The following SRGAP2B variants were observed in gnomAD, a reference collection of about 807,000 sequenced individuals.
SRGAP2B encodes the protein SLIT-ROBO Rho GTPase activating protein 2B, also known as SLIT-ROBO Rho GTPase-activating protein 2B.
A neutral mutation model predicts 22.2 loss-of-function variants in SRGAP2B; 9 were observed. That is an observed-to-expected ratio of 0.41 (90% CI 0.24 to 0.71). SRGAP2B has a LOEUF of 0.71. SRGAP2B is among the 30% of genes least tolerant of loss of function. The pLI is 0.35. For missense variants in SRGAP2B, 114 were observed against 235.8 expected, an observed-to-expected ratio of 0.48 and a Z score of 3.38; for synonymous variants, 36 against 87.4, an observed-to-expected ratio of 0.41 and a Z score of 3.28.
chr1:145,011,936 G>A lies in SRGAP2B; in HGVS notation c.68-16736C>T, dbSNP rs1672084163. ...TACTCACTGGCCCCCAGCTACACTG[G>A]CCTCTCTGGTCATAGAACATGGCAA... On this transcript the variant is annotated intron_variant, in intron 2 of 9. Transcript: ENST00000612199. 1.3e-5 allele frequency among the ~76,000 whole-genome samples: 2 copies of A among 150,658 alleles called. 1 individual carries two copies.
At chr1:144,973,917 T>C (rs1173863249) in intron 3 of SRGAP2B, among the ~76,000 whole-genome samples, 2 of 144,298 alleles carry the variant, frequency 1.4e-5, no homozygotes, top group Non-Finnish European at 3.0e-5. Context: ...ATAAAGTCAA[T>C]AGAAGAATAT....
intron 2 of SRGAP2B, among the ~76,000 whole-genome samples, chr1:145,022,414 T>C (rs1282242121): frequency 9.2e-6 from 1 of 108,912 alleles, no homozygotes; most frequent in African/African-American, 4.0e-5. Context: ...ATTTCTCACA[T>C]CTAAGGCTCT....
intron 5 of SRGAP2B, among the ~76,000 whole-genome samples, chr1:144,914,260 T>A (rs1553603403): frequency 1.3e-5 from 2 of 151,748 alleles, no homozygotes; most frequent in East Asian, 3.8e-4. Flanking sequence ...TTTGTTCTAG[T>A]CTCAAAGCCA....
intron 5 of SRGAP2B, among the ~76,000 whole-genome samples, chr1:144,910,542 G>A (rs1241396145): frequency 6.7e-6 from 1 of 149,648 alleles, no homozygotes; most frequent in African/African-American, 2.5e-5. Context: ...AATTTAGGGG[G>A]AGTACAGAAG....
intron 3 of SRGAP2B, among the ~76,000 whole-genome samples, chr1:144,992,154 A>G (rs1670296419): frequency 1.3e-5 from 2 of 150,544 alleles, no homozygotes; most frequent in South Asian, 4.2e-4. Context: ...GAAGGTCTGC[A>G]GCTTCACTCC....
chr1:145,020,597 C>T (rs1461287775), intron 2 of SRGAP2B, among the ~76,000 whole-genome samples: 8 of 146,714 alleles, frequency 5.5e-5, no homozygotes, highest in African/African-American at 8.0e-5. Context: ...CTCCCTCTTC[C>T]CCAACTGAAA....
intron 3 of SRGAP2B, among the ~76,000 whole-genome samples, chr1:144,965,526 C>T (rs1553612074): frequency 6.9e-6 from 1 of 145,404 alleles, no homozygotes; most frequent in Non-Finnish European, 1.5e-5. Context: ...TAGAGAAAAC[C>T]TCAAAGATGG....
chr1:144,918,267 C>T (rs1664012872), intron 4 of SRGAP2B: 1 of 146,766 alleles, frequency 6.8e-6, no homozygotes, highest in Non-Finnish European at 1.5e-5. Context: ...GCATAGTAAT[C>T]TTTGCCTGGA....
At chr1:145,023,143 G>A (rs1553624408) in intron 2 of SRGAP2B, among the ~76,000 whole-genome samples, 1 of 144,790 alleles carries the variant, frequency 6.9e-6, no homozygotes, top group Non-Finnish European at 1.5e-5. Context: ...CTCCAGCCTG[G>A]TGACAGAGTG....
chr1:144,956,439 C>CTTTTTTTT (rs3069132), intron 3 of SRGAP2B, among the ~76,000 whole-genome samples: 1 of 95,380 alleles, frequency 1.0e-5, no homozygotes, highest in Non-Finnish European at 2.1e-5. Flanking sequence ...TGCTCATTCC[C>CTTTTTTTT]TTTTTTTTTT....
chr1:145,009,566 C>T (rs781797962), intron 2 of SRGAP2B, among the ~76,000 whole-genome samples: 12 of 143,386 alleles, frequency 8.4e-5, no homozygotes, highest in Non-Finnish European at 1.5e-4. Flanking sequence ...CCAGCCTGGG[C>T]GACAGAGCGA....
At chr1:144,918,490 T>TATACAACTG (rs1664033203) in intron 4 of SRGAP2B, 2 of 142,548 alleles carry the variant, frequency 1.4e-5, no homozygotes, top group Admixed American at 6.9e-5. Context: ...TTCTACCAGT[T>TATACAACTG]GTATGCTGAC....
At chr1:144,944,366 G>A (rs1478848364) in intron 4 of SRGAP2B, among the ~76,000 whole-genome samples, 1 of 149,976 alleles carries the variant, frequency 6.7e-6, no homozygotes, top group Non-Finnish European at 1.5e-5. Flanking sequence ...GAGGCTGAAG[G>A]GGAAGGATCA....
intron 2 of SRGAP2B, among the ~76,000 whole-genome samples, chr1:145,075,677 G>T (rs1223582139): frequency 1.6e-5 from 2 of 126,230 alleles, no homozygotes; most frequent in East Asian, 2.2e-4. Context: ...CTGGGAGCAG[G>T]TATTGCAACC....
At chr1:144,983,795 A>C (rs1669489118) in intron 3 of SRGAP2B, among the ~76,000 whole-genome samples, 1 of 149,296 alleles carries the variant, frequency 6.7e-6, no homozygotes, top group South Asian at 2.1e-4. Context: ...AACTCTTACT[A>C]TTGGAAATCA....
At chr1:145,025,942 T>C (rs1455464144) in intron 2 of SRGAP2B, among the ~76,000 whole-genome samples, 30 of 148,226 alleles carry the variant, frequency 2.0e-4, no homozygotes, top group African/African-American at 7.4e-4. Flanking sequence ...CAACACGCCT[T>C]GGGGAGGGCA....
At chr1:144,940,884 G>A (rs1256462179) in intron 4 of SRGAP2B, among the ~76,000 whole-genome samples, 1 of 148,432 alleles carries the variant, frequency 6.7e-6, no homozygotes, top group African/African-American at 2.5e-5. Flanking sequence ...ACTACAGACT[G>A]CTGTATGATC....
intron 2 of SRGAP2B, among the ~76,000 whole-genome samples, chr1:145,044,795 A>G (rs1180284353): frequency 5.6e-4 from 81 of 143,948 alleles, no homozygotes; most frequent in African/African-American, 2.0e-3. Flanking sequence ...GAGGGGTAAT[A>G]TTAGTCCTGA....
At chr1:144,958,278 T>C (rs1405152259) in intron 3 of SRGAP2B, among the ~76,000 whole-genome samples, 1 of 150,988 alleles carries the variant, frequency 6.6e-6, no homozygotes, top group Admixed American at 6.6e-5. Flanking sequence ...AAAGAAAAGA[T>C]GACTGAACAA....
Sources: allele counts gnomAD v4.1 joint callset (sites outside exome capture counted in the v4.1 genomes callset), GRCh38; gene constraint gnomAD v4.1.1; transcripts MANE v1.5; gene names NCBI Gene and HGNC (gene_info 2026-07-23, HGNC 2026-07-21).